Variants in CORO7 observed in about 807,000 individuals in gnomAD.
CORO7 encodes the protein coronin 7.
CORO7 carries 107 observed loss-of-function variants against 126.6 expected under a neutral mutation model. That is an observed-to-expected ratio of 0.85 (90% confidence interval 0.72 to 0.99). The LOEUF is 0.99. Ranked by LOEUF, CORO7 falls within the 50% of genes least tolerant of loss-of-function variation. The pLI, the probability that CORO7 is intolerant of heterozygous loss-of-function variation, is 0.00. For missense variants in CORO7, 1,314 were observed against 1,255.8 expected, an observed-to-expected ratio of 1.05 and a Z score of -0.70; for synonymous variants, 603 against 536.8, an observed-to-expected ratio of 1.12 and a Z score of -1.70.
At chr16:4,374,998 C>G (rs576733272) in intron 9 of CORO7, among the ~76,000 whole-genome samples, 72 of 152,242 alleles carry the variant, frequency 4.7e-4, no homozygotes, top group African/African-American at 1.7e-3. Flanking sequence ...GGCATCACAC[C>G]TGCCGCGTGC....
At chr16:4,381,651 G>A in intron 9 of CORO7, 2 of 1,602,490 alleles carry the variant, frequency 1.2e-6, no homozygotes, top group Non-Finnish European at 1.7e-6. Context: ...TGCGGCCCGA[G>A]GACCTGGCCG....
Position 4,362,666 on chromosome 16 carries a change from TG to T in CORO7, c.1347del (p.Ser450AlafsTer11). 2 of 1,523,170 alleles carry T rather than the reference TG, an allele frequency of 1.3e-6. No individual in the cohort carries two copies. The allele number at this position is 1,523,170 out of a possible 1,614,324, so 94.4% of individuals were successfully genotyped here. On this transcript the variant is annotated frameshift_variant, in exon 15 of 28. Coordinates refer to ENST00000251166, the MANE Select transcript of CORO7 (RefSeq NM_024535.5). LOFTEE classifies it high-confidence loss of function. This position sits in a 1 kb window ranked among gnomAD's most constrained non-coding sequence, Gnocchi z 5.3. ...STPSSLGPSL[S>X]STSGIGTSPS... ...GGGCTGGTCCCGATGCCACTGGTGC[TG>T]GAGAGTGAGGGCCCCAGGCTGGAGG...
At chr16:4,361,339 C>A (rs561310776) in intron 17 of CORO7, 22 bp downstream of exon 17, 1 of 1,611,466 alleles carries the variant, frequency 6.2e-7, no homozygotes, top group South Asian at 1.1e-5. Flanking sequence ...CTCCCTCAAG[C>A]CCAGGCACCC....
intron 23 of CORO7, 108 bp from the exon 24 acceptor site, chr16:4,358,591 G>T: frequency 9.7e-7 from 1 of 1,031,698 alleles, no homozygotes; most frequent in Non-Finnish European, 1.4e-6. Context: ...CCATGCCTAG[G>T]GCCTGTCCCT....
chr16:4,396,120 C>T (rs2055581570), intron 6 of CORO7, among the ~76,000 whole-genome samples: 1 of 152,012 alleles, frequency 6.6e-6, no homozygotes, highest in Admixed American at 6.6e-5. Flanking sequence ...TGCTCTGTCA[C>T]CCATGCTGGA....
Position 4,361,027 on chromosome 16 carries a change from G to A in CORO7, c.1833C>T (p.Ala611=), listed in dbSNP as rs778437995. Residue 611 remains alanine, a synonymous_variant, in exon 19 of 28, where the codon GCC becomes GCT. Coordinates refer to ENST00000251166, the MANE Select transcript of CORO7 (RefSeq NM_024535.5). ...RFHPLAANVL[A]SSSYDLTVRI... ...GAACAGTGAGGTCATAGGAGGACGAGGCCAGCACATTGGCTGCCAGTGGGT... is the reference window on the plus strand; with the variant it reads ...GAACAGTGAGGTCATAGGAGGACGAAGCCAGCACATTGGCTGCCAGTGGGT... 2.5e-6 allele frequency: 4 copies of A among 1,613,362 alleles called. No individual in the cohort carries two copies. Among genetic ancestry groups the A allele is most frequent in the Non-Finnish European group, 3.4e-6 (4 of 1,180,022 alleles).
intron 7 of CORO7, among the ~76,000 whole-genome samples, chr16:4,389,723 A>T (rs2055321168): frequency 6.6e-6 from 1 of 152,220 alleles, no homozygotes; most frequent in South Asian, 2.1e-4. Flanking sequence ...GGGTCAGGAC[A>T]AGGGTCGAGC....
At chr16:4,376,355 AG>A (rs2054730667) in intron 9 of CORO7, among the ~76,000 whole-genome samples, 1 of 152,176 alleles carries the variant, frequency 6.6e-6, no homozygotes, top group African/African-American at 2.4e-5. Context: ...GGCTGCTGCC[AG>A]GCCTGACCGG....
Position 4,407,797 on chromosome 16 carries a change from C to T in CORO7, c.304-113G>A, listed in dbSNP as rs572257825. On this transcript the variant is annotated intron_variant, in intron 4 of 27. Coordinates refer to ENST00000251166, the MANE Select transcript of CORO7 (RefSeq NM_024535.5). ...GGAACTAGGCTGCTCCAGGAGACCA[C>T]ACACCTTGGCCTTGGGAGGAGCGCC... 229 of 1,340,424 alleles carry T rather than the reference C, an allele frequency of 1.7e-4. 2 individuals carry two copies. The African/African-American group carries it at 3.0e-3, about 18-fold the overall frequency. 83.0% of individuals were successfully genotyped at this position (1,340,424 alleles called of 1,614,324 possible). A position where few individuals can be genotyped will look rare whatever the true frequency, so the allele number is the denominator to read the frequency against.
At chr16:4,413,985 G>A (rs956292524) in intron 1 of CORO7, among the ~76,000 whole-genome samples, 47 of 149,794 alleles carry the variant, frequency 3.1e-4, no homozygotes, top group African/African-American at 1.1e-3. Flanking sequence ...TCAGAAGTTC[G>A]AAACCAGCCT....
intron 7 of CORO7, among the ~76,000 whole-genome samples, chr16:4,389,686 C>T (rs894245380): frequency 6.6e-6 from 1 of 152,232 alleles, no homozygotes; most frequent in Non-Finnish European, 1.5e-5. Flanking sequence ...GGCCCCACTG[C>T]CCTCTCTCCA....
At chr16:4,376,136 C>T (rs1178870930) in intron 9 of CORO7, among the ~76,000 whole-genome samples, 1 of 152,174 alleles carries the variant, frequency 6.6e-6, no homozygotes, top group Non-Finnish European at 1.5e-5. Flanking sequence ...GAACTCGAGG[C>T]CCAGCCCTCT....
In CORO7 at chr16:4,402,598, G is replaced by C. The variant is rs192832792; in HGVS notation, c.564+2893C>G. Among the ~76,000 whole-genome samples the C allele has an allele frequency of 4.1e-3, 624 of 152,286 alleles. 6 individuals carry two copies. The highest frequency in any genetic ancestry group is 0.014 in the African/African-American group (584 of 41,570). ...TGCGGACAGCGCCACCCCTGGGCAG[G>C]GCTGGGCGCTGGGGCTAAGGGCGGA... On this transcript the variant is annotated intron_variant, in intron 6 of 27. Coordinates refer to ENST00000251166, the MANE Select transcript of CORO7 (RefSeq NM_024535.5).
chr16:4,365,358 G>C, intron 10 of CORO7, 133 bp downstream of exon 10: 1 of 1,343,720 alleles, frequency 7.4e-7, no homozygotes, highest in Non-Finnish European at 1.0e-6. Context: ...AGTGTTCTAG[G>C]AGAGCTACAG....
intron 9 of CORO7, among the ~76,000 whole-genome samples, chr16:4,367,666 C>A (rs2054388717): frequency 6.6e-6 from 1 of 152,142 alleles, no homozygotes; most frequent in Non-Finnish European, 1.5e-5. Context: ...AAACACCTCA[C>A]AGGAAGAGAG....
Position 4,407,600 on chromosome 16 carries a change from C to A in CORO7, c.388G>T (p.Glu130Ter). Residue 130 changes from glutamate to a stop codon, truncating the protein, a stop_gained, in exon 5 of 28, where the codon GAG becomes TAG. Transcript: ENST00000251166. LOFTEE classifies it high-confidence loss of function. ...GAGGTGGGGTGGAACTGCAGTACCT[C>A]CACTGGGAGGTCCTCGGGGCCCAGC... The part of the protein sequence containing the change: ...VVLGPEDLPV[E>*]VLQFHPTSDG... 6.3e-7 allele frequency: 1 copy of A among 1,596,158 alleles called. No individual in the cohort carries two copies. The highest frequency in any genetic ancestry group is 2.3e-5 in the East Asian group (1 of 44,132).
Position 4,388,013 on chromosome 16 carries a change from G to A in CORO7, c.758C>T (p.Ala253Val). 6.2e-7 allele frequency: 1 copy of A among 1,613,188 alleles called. No homozygotes were observed. The highest frequency in any genetic ancestry group is 8.5e-7 in the Non-Finnish European group (1 of 1,179,926). ...WDTRFFSSAL[A>V]SLTLDTSLGC... ...AAGCGAGGTGTCCAAGGTGAGGGAG[G>A]CCAGGGCGCTGGAGAAGAACCGCGT... The change falls in exon 9 of 28, where the codon GCC becomes GTC. Residue 253 changes from alanine (A) to valine (V), a missense_variant. Ala to Val is a moderately conservative substitution (Grantham distance 64, BLOSUM62 0). Transcript: ENST00000251166.
intron 5 of CORO7, among the ~76,000 whole-genome samples, chr16:4,407,216 G>A (rs2056032346): frequency 1.3e-5 from 2 of 151,720 alleles, no homozygotes; most frequent in African/African-American, 4.8e-5. Context: ...CCAGAGTGTT[G>A]GGATTACAGG....
intron 16 of CORO7, 67 bp downstream of exon 16, chr16:4,361,918 A>G: frequency 6.5e-7 from 1 of 1,546,198 alleles, no homozygotes; most frequent in Non-Finnish European, 8.7e-7. Context: ...GTGGGTAGCT[A>G]AGGCCCTCCG....
Sources: allele counts gnomAD v4.1 joint callset (sites outside exome capture counted in the v4.1 genomes callset), GRCh38; gene constraint gnomAD v4.1.1; non-coding constraint Gnocchi (gnomAD v3.1); transcripts MANE v1.5; gene names NCBI Gene and HGNC (gene_info 2026-07-23, HGNC 2026-07-21).